RORA: variants seen among roughly 807,000 people sequenced by gnomAD.
RORA encodes RAR related orphan receptor A.
In RORA, 7 loss-of-function variants were observed where a neutral mutation model predicts 69.5. That is an observed-to-expected ratio of 0.10 (90% CI 0.06 to 0.19). RORA has a LOEUF of 0.19. Ranked by LOEUF, RORA falls within the 10% of genes least tolerant of loss-of-function variation. The pLI is 1.00. For missense variants in RORA, 457 were observed against 663.0 expected, an observed-to-expected ratio of 0.69 and a Z score of 3.41; for synonymous variants, 261 against 240.8, an observed-to-expected ratio of 1.08 and a Z score of -0.78.
intron 1 of RORA, among the ~76,000 whole-genome samples, chr15:60,932,701 G>C (rs546691025): frequency 1.5e-4 from 23 of 152,270 alleles, no homozygotes; most frequent in Admixed American, 3.3e-4. Flanking sequence ...GACTCAGTAG[G>C]TGGTTCCGAC....
At chr15:60,886,990 T>C (rs1261819109) in intron 1 of RORA, among the ~76,000 whole-genome samples, 1 of 152,216 alleles carries the variant, frequency 6.6e-6, no homozygotes, top group Non-Finnish European at 1.5e-5. Flanking sequence ...CTATCTCTCT[T>C]GTGCTCCTCG....
intron 2 of RORA, among the ~76,000 whole-genome samples, chr15:60,583,508 A>G (rs2068248650): frequency 6.6e-6 from 1 of 152,138 alleles, no homozygotes; most frequent in Non-Finnish European, 1.5e-5. Context: ...GCTAAAATAC[A>G]TTGTGTCTAT....
chr15:60,674,127 G>A (rs1197387066), intron 2 of RORA, among the ~76,000 whole-genome samples: 2 of 152,276 alleles, frequency 1.3e-5, no homozygotes, highest in African/African-American at 4.8e-5. Flanking sequence ...GAGTCACTGT[G>A]AGTCACATGG....
At chr15:61,196,144 T>G (rs2079843609) in intron 1 of RORA, among the ~76,000 whole-genome samples, 1 of 152,238 alleles carries the variant, frequency 6.6e-6, no homozygotes, top group Non-Finnish European at 1.5e-5. Flanking sequence ...AATCCAGATC[T>G]GACCCCAAAA....
chr15:60,905,376 C>G lies in RORA; in HGVS notation c.167-226690G>C, dbSNP rs1007933057. Among the ~76,000 whole-genome samples the G allele has an allele frequency of 6.6e-6, 1 of 152,172 alleles. No individual in the cohort carries two copies. The highest frequency in any genetic ancestry group is 1.5e-5 in the Non-Finnish European group (1 of 68,038). On this transcript the variant is annotated intron_variant, in intron 1 of 10. Coordinates refer to ENST00000335670, the MANE Select transcript of RORA (RefSeq NM_134261.3). The surrounding 1 kb of genome is among the most constrained non-coding windows in gnomAD (Gnocchi z 4.8). ...TGCAATTCTTAAGAAATGTCAAAGA[C>G]AGCTCATTAGATCAACTTTTTTTTC... is the stretch of plus-strand genomic sequence containing the variant.
intron 1 of RORA, among the ~76,000 whole-genome samples, chr15:60,831,859 C>T (rs1441794514): frequency 1.3e-5 from 2 of 152,162 alleles, no homozygotes; most frequent in African/African-American, 4.8e-5. Context: ...GAGTAAGGTT[C>T]AAGGTTGCCC....
chr15:60,640,416 C>T (rs1292494442), intron 2 of RORA, among the ~76,000 whole-genome samples: 1 of 152,126 alleles, frequency 6.6e-6, no homozygotes, highest in Admixed American at 6.5e-5. Flanking sequence ...TTTTTAAACC[C>T]AGTGCAATCC....
chr15:61,187,368 T>C (rs1354641735), intron 1 of RORA, among the ~76,000 whole-genome samples: 2 of 152,186 alleles, frequency 1.3e-5, no homozygotes, highest in Non-Finnish European at 2.9e-5. Flanking sequence ...GGACTATTAA[T>C]GGCATGACAA....
At chr15:61,195,135 T>TA (rs2079835861) in intron 1 of RORA, among the ~76,000 whole-genome samples, 1 of 152,130 alleles carries the variant, frequency 6.6e-6, no homozygotes, top group South Asian at 2.1e-4. Context: ...CCGGTCTTTT[T>TA]AAAAAATGCA....
At chr15:61,118,265 G>A (rs537633095) in intron 1 of RORA, among the ~76,000 whole-genome samples, 1 of 152,168 alleles carries the variant, frequency 6.6e-6, no homozygotes, top group African/African-American at 2.4e-5. Flanking sequence ...GAGCCTTCAG[G>A]CCTGCCCTGT....
At position 60,901,412 on chromosome 15, in the gene RORA, T is replaced by C. The variant is rs567872475; in HGVS notation, c.167-222726A>G. 1.2e-4 allele frequency among the ~76,000 whole-genome samples: 18 copies of C among 152,346 alleles called. No homozygotes were observed. In the South Asian group the frequency reaches 3.7e-3, roughly 32 times the overall value. ...GTCTCGAACTCCTGACCTCAGGTGA[T>C]CTGCCCACCTCGGCCTCCCAAAGTG... On this transcript the variant is annotated intron_variant, in intron 1 of 10. Coordinates refer to ENST00000335670, the MANE Select transcript of RORA (RefSeq NM_134261.3).
intron 1 of RORA, among the ~76,000 whole-genome samples, chr15:61,215,635 T>C (rs2080034112): frequency 6.6e-6 from 1 of 152,234 alleles, no homozygotes; most frequent in Non-Finnish European, 1.5e-5. Context: ...CCTGACACAA[T>C]ATGTATGTGT....
At chr15:60,764,838 A>C (rs899109416) in intron 1 of RORA, 1 of 152,168 alleles carries the variant, frequency 6.6e-6, no homozygotes. Flanking sequence ...GTGCCCCTTT[A>C]CCACATTGTA....
chr15:60,739,290 G>T (rs1277563498), intron 1 of RORA, among the ~76,000 whole-genome samples: 1 of 152,068 alleles, frequency 6.6e-6, no homozygotes, highest in African/African-American at 2.4e-5. Flanking sequence ...TTTTGGTTTG[G>T]GGCTGGGCGC....
chr15:60,860,237 C>T (rs771034857), intron 1 of RORA, among the ~76,000 whole-genome samples: 1 of 152,140 alleles, frequency 6.6e-6, no homozygotes, highest in Admixed American at 6.5e-5. Context: ...CAAACCATTC[C>T]AAATGTGTTC....
intron 2 of RORA, chr15:60,614,903 A>G (rs374796649): frequency 6.8e-6 from 11 of 1,613,090 alleles, no homozygotes; most frequent in Middle Eastern, 1.7e-4. Context: ...CCTTTTCTCA[A>G]TGCAGGGAGC....
intron 1 of RORA, among the ~76,000 whole-genome samples, chr15:60,889,918 A>T (rs1157580491): frequency 6.6e-6 from 1 of 152,232 alleles, no homozygotes; most frequent in African/African-American, 2.4e-5. Flanking sequence ...AAAAATATAA[A>T]ATTACTTGTG....
intron 1 of RORA, among the ~76,000 whole-genome samples, chr15:60,909,883 T>C (rs1312610894): frequency 6.6e-6 from 1 of 152,204 alleles, no homozygotes; most frequent in African/African-American, 2.4e-5. Flanking sequence ...CTTCTTTATT[T>C]CAGTCTGGGC....
chr15:61,060,382 C>T (rs2078166307), intron 1 of RORA, among the ~76,000 whole-genome samples: 1 of 152,186 alleles, frequency 6.6e-6, no homozygotes, highest in African/African-American at 2.4e-5. Context: ...ATTGCAGGAA[C>T]CCTTCTTCCA....
Sources: allele counts gnomAD v4.1 joint callset (sites outside exome capture counted in the v4.1 genomes callset), GRCh38; gene constraint gnomAD v4.1.1; non-coding constraint Gnocchi (gnomAD v3.1); transcripts MANE v1.5; gene names NCBI Gene and HGNC (gene_info 2026-07-23, HGNC 2026-07-21).